The following LINGO2 variants were observed in gnomAD, a reference collection of about 807,000 sequenced individuals.
LINGO2 encodes the protein leucine-rich repeat and immunoglobulin-like domain-containing nogo receptor-interacting protein 2.
LINGO2 carries 14 observed loss-of-function variants against 30.6 expected under a neutral mutation model. That is an observed-to-expected ratio of 0.46 (90% CI 0.30 to 0.72). The LOEUF (loss-of-function observed/expected upper bound fraction) is 0.72, where lower values mean the gene tolerates loss of function less well. Among genes scored for constraint, LINGO2 ranks in the 30% least tolerant of loss-of-function variants. The probability of loss-of-function intolerance (pLI) is 0.07; values close to 1 mark genes in which losing one functional copy is unlikely to be tolerated. For synonymous variants in LINGO2, 317 were observed against 288.5 expected (o/e 1.10, Z -1.00); for missense variants, 729 against 751.7 (o/e 0.97, Z 0.35).
At chr9:28,381,474 T>C (rs892035559) in intron 2 of LINGO2, among the ~76,000 whole-genome samples, 1 of 152,072 alleles carries the variant, frequency 6.6e-6, no homozygotes, top group African/African-American at 2.4e-5. Flanking sequence ...GACATAATTA[T>C]AACTATTTGT....
rs543973777 is a variant in LINGO2 at position 28,531,048 on chromosome 9, A to AATAT, written c.-364-55027_-364-55024dup. On this transcript the variant is annotated intron_variant, in intron 1 of 5. Coordinates refer to ENST00000379992, the Ensembl canonical transcript of LINGO2. ...TATAAGTATGCCATATATAAAAATA[A>AATAT]ATATATATATATATATAATATATAA... Among the ~76,000 whole-genome samples, 402 of 146,442 alleles carry AATAT rather than the reference A, an allele frequency of 2.7e-3. 5 individuals are homozygous for AATAT. Among genetic ancestry groups the AATAT allele is most frequent in the African/African-American group, 8.4e-3 (339 of 40,260 alleles).
rs181856308 is a variant in LINGO2 at position 28,473,434 on chromosome 9, C to A, written c.-279+2506G>T. Among the ~76,000 whole-genome samples, 46 of 151,374 alleles carry A rather than the reference C, an allele frequency of 3.0e-4. No homozygotes were observed. In the East Asian group the frequency reaches 3.3e-3, roughly 11 times the overall value. ...TCTCACACACACACACATACACATACACACACACACACTGTGAGCATGCAC... is the reference window on the plus strand; with the variant it reads ...TCTCACACACACACACATACACATAAACACACACACACTGTGAGCATGCAC... On this transcript the variant is annotated intron_variant, in intron 2 of 5. Transcript: ENST00000379992.
chr9:28,203,973 T>C (rs769148845), intron 4 of LINGO2, among the ~76,000 whole-genome samples: 1 of 152,164 alleles, frequency 6.6e-6, no homozygotes, highest in Non-Finnish European at 1.5e-5. Context: ...TAGTGTGCAT[T>C]CTGAATCTTC....
At chr9:28,102,344 A>G (rs917492997) in intron 4 of LINGO2, among the ~76,000 whole-genome samples, 2 of 152,136 alleles carry the variant, frequency 1.3e-5, no homozygotes, top group African/African-American at 4.8e-5. Flanking sequence ...TCAAGTATTA[A>G]TTCTGATTGA....
At chr9:28,287,618 C>A (rs1232576019) in intron 4 of LINGO2, among the ~76,000 whole-genome samples, 4 of 152,028 alleles carry the variant, frequency 2.6e-5, no homozygotes, top group African/African-American at 9.7e-5. Flanking sequence ...GGAGGAAACA[C>A]AGTGATTGAT....
At chr9:29,201,247 T>C in the LINGO2 span, among the ~76,000 whole-genome samples, 1 of 152,116 alleles carries the variant, frequency 6.6e-6, no homozygotes, top group African/African-American at 2.4e-5. Flanking sequence ...TCCCAATTCA[T>C]TCATTCATTT....
chr9:28,591,236 C>T (rs1185086096), intron 1 of LINGO2, among the ~76,000 whole-genome samples: 1 of 151,774 alleles, frequency 6.6e-6, no homozygotes, highest in East Asian at 1.9e-4. Context: ...TGCAGCACAC[C>T]AACATGGCAC....
intron 3 of LINGO2, among the ~76,000 whole-genome samples, chr9:28,303,786 AG>A (rs1472011133): frequency 6.6e-6 from 1 of 151,938 alleles, no homozygotes; most frequent in African/African-American, 2.4e-5. Context: ...TAGGCTAAGG[AG>A]GAGGAAGGGA....
the LINGO2 span, among the ~76,000 whole-genome samples, chr9:29,066,342 G>A: frequency 6.6e-6 from 1 of 151,948 alleles, no homozygotes; most frequent in African/African-American, 2.4e-5. Flanking sequence ...CTGTCAGCAT[G>A]TGCTTTGGCA....
At position 28,148,531 on chromosome 9, in the gene LINGO2, G is replaced by C; in HGVS notation, c.-86-136126C>G. The stretch of plus-strand genomic sequence containing the variant: ...ATAAAAGGGGCCCCTGTAGCAATGG[G>C]GAAGCAGCTTCCACCTCTAGGCCCC... On this transcript the variant is annotated intron_variant, in intron 4 of 5. Coordinates refer to ENST00000379992, the Ensembl canonical transcript of LINGO2. The surrounding 1 kb of genome is among the most constrained non-coding windows in gnomAD (Gnocchi z 5.1). 1 of 1,479,948 alleles carries C rather than the reference G, an allele frequency of 6.8e-7. No homozygotes were observed. The highest frequency in any genetic ancestry group is 9.1e-7 in the Non-Finnish European group (1 of 1,097,324). The allele number at this position is 1,479,948 out of a possible 1,614,324, so 91.7% of individuals were successfully genotyped here.
At chr9:28,827,110 G>T in the LINGO2 span, among the ~76,000 whole-genome samples, 1 of 152,110 alleles carries the variant, frequency 6.6e-6, no homozygotes, top group Non-Finnish European at 1.5e-5. Context: ...GTAAGAATTA[G>T]AGGCACAGCA....
At chr9:28,724,941 T>C in the LINGO2 span, among the ~76,000 whole-genome samples, 1 of 152,036 alleles carries the variant, frequency 6.6e-6, no homozygotes, top group Admixed American at 6.6e-5. Flanking sequence ...CCAAAGACAA[T>C]TCACCTTACA....
At chr9:28,916,019 T>C in the LINGO2 span, among the ~76,000 whole-genome samples, 2 of 152,146 alleles carry the variant, frequency 1.3e-5, no homozygotes, top group African/African-American at 4.8e-5. Flanking sequence ...GGCCAAGGGC[T>C]TTCCAAAGTC....
the LINGO2 span, among the ~76,000 whole-genome samples, chr9:28,727,267 AAG>A: frequency 6.6e-6 from 1 of 152,004 alleles, no homozygotes; most frequent in Non-Finnish European, 1.5e-5. Flanking sequence ...GGAACTTGTG[AAG>A]AGTTAGCTTA....
At chr9:28,134,688 T>C (rs1349904642) in intron 4 of LINGO2, among the ~76,000 whole-genome samples, 1 of 152,246 alleles carries the variant, frequency 6.6e-6, no homozygotes, top group African/African-American at 2.4e-5. Flanking sequence ...CTGAGAATGC[T>C]GCCATCAGAG....
chr9:28,791,060 A>G, the LINGO2 span, among the ~76,000 whole-genome samples: 1 of 152,184 alleles, frequency 6.6e-6, no homozygotes, highest in African/African-American at 2.4e-5. Context: ...ACTTATGCAC[A>G]TTTTAAAGTC....
chr9:27,944,695 G>A (rs1823296847), downstream of LINGO2, among the ~76,000 whole-genome samples: 1 of 152,104 alleles, frequency 6.6e-6, no homozygotes, highest in Non-Finnish European at 1.5e-5. Context: ...CATGATGTAT[G>A]AGTCTAACAA....
intron 2 of LINGO2, among the ~76,000 whole-genome samples, chr9:28,444,741 G>A (rs557907215): frequency 5.9e-5 from 9 of 152,158 alleles, no homozygotes; most frequent in South Asian, 2.1e-4. Flanking sequence ...CACCTGTGCC[G>A]GTGCCTGAAG....
chr9:28,722,466 T>C, the LINGO2 span, among the ~76,000 whole-genome samples: 615 of 152,200 alleles, frequency 4.0e-3, 8 homozygotes, highest in African/African-American at 0.014. Flanking sequence ...CCATACCCAA[T>C]GTGAATTTGA....
Sources: allele counts gnomAD v4.1 joint callset (sites outside exome capture counted in the v4.1 genomes callset), GRCh38; gene constraint gnomAD v4.1.1; non-coding constraint Gnocchi (gnomAD v3.1); transcripts MANE v1.5; gene names NCBI Gene and HGNC (gene_info 2026-07-23, HGNC 2026-07-21).